RAVER2: variants seen among roughly 807,000 people sequenced by gnomAD.
The protein encoded by RAVER2 is ribonucleoprotein PTB-binding 2.
Under a neutral mutation model 78.1 loss-of-function variants are expected in RAVER2, and 46 were observed. That is an observed-to-expected ratio of 0.59 (90% CI 0.46 to 0.75). The LOEUF (loss-of-function observed/expected upper bound fraction) is 0.75. Among genes scored for constraint, RAVER2 ranks in the 30% least tolerant of loss-of-function variants. RAVER2 has a pLI of 0.00. For missense variants in RAVER2, 793 were observed against 837.5 expected, an observed-to-expected ratio of 0.95 and a Z score of 0.66; for synonymous variants, 311 against 313.3, an observed-to-expected ratio of 0.99 and a Z score of 0.08.
exon 12 of RAVER2, chr1:64,832,390 T>A (rs1654172601): frequency 6.6e-6 from 1 of 152,664 alleles, no homozygotes; most frequent in African/African-American, 2.4e-5. Context: ...CTATGATGAC[T>A]TTTGACATCA....
In RAVER2 at chr1:64,803,075, A is replaced by AT; in HGVS notation, c.1191+16dup. Reference sequence around the variant, plus strand: ...AAAGCACATCAGGTACATAAATAACATTGAGTACTGAAGCATTAAATATTC... The same window carrying AT: ...AAAGCACATCAGGTACATAAATAACATTTGAGTACTGAAGCATTAAATATTC... On this transcript the variant is annotated intron_variant, in intron 6 of 11. Coordinates refer to ENST00000294428, the Ensembl canonical transcript of RAVER2. 1.3e-6 allele frequency: 2 copies of AT among 1,516,900 alleles called. No individual in the cohort carries two copies. Among genetic ancestry groups the AT allele is most frequent in the Non-Finnish European group, 9.1e-7 (1 of 1,095,250 alleles). The allele number at this position is 1,516,900 out of a possible 1,614,324, so 94.0% of individuals were successfully genotyped here. A position where few individuals can be genotyped will look rare whatever the true frequency, so the allele number is the denominator to read the frequency against.
chr1:64,776,630 A>G (rs1652472790), intron 2 of RAVER2, among the ~76,000 whole-genome samples: 1 of 152,158 alleles, frequency 6.6e-6, no homozygotes, highest in Non-Finnish European at 1.5e-5. Flanking sequence ...GAGTAACTTC[A>G]CTATATATTT....
chr1:64,753,645 T>C (rs1651767498), intron 1 of RAVER2, among the ~76,000 whole-genome samples: 1 of 146,178 alleles, frequency 6.8e-6, no homozygotes, highest in Non-Finnish European at 1.5e-5. Context: ...TGCCTCAGCC[T>C]CCCGAGTAGC....
chr1:64,804,552 GC>G (rs1317939233), intron 6 of RAVER2, among the ~76,000 whole-genome samples, 181 bp from the exon 7 acceptor site: 1 of 152,116 alleles, frequency 6.6e-6, no homozygotes, highest in African/African-American at 2.4e-5. Flanking sequence ...TGACTGCATG[GC>G]CCCCTCTTGT....
intron 1 of RAVER2, among the ~76,000 whole-genome samples, chr1:64,757,009 T>C (rs1389159780): frequency 6.6e-6 from 1 of 152,216 alleles, no homozygotes; most frequent in African/African-American, 2.4e-5. Flanking sequence ...CTGGTGATGT[T>C]AACCTTGATC....
intron 5 of RAVER2, among the ~76,000 whole-genome samples, chr1:64,802,133 C>T (rs1653284543): frequency 6.6e-6 from 1 of 152,158 alleles, no homozygotes; most frequent in Non-Finnish European, 1.5e-5. Context: ...GCAATGAGGA[C>T]GGCCAGAGAT....
At chr1:64,830,753 A>G in intron 11 of RAVER2, 86 bp from the exon 12 acceptor site, 2 of 1,272,258 alleles carry the variant, frequency 1.6e-6, no homozygotes, top group Non-Finnish European at 2.2e-6. Context: ...TCACCAAGTC[A>G]AAGTGGAATG....
At chr1:64,827,392 C>T (rs757360475) in intron 11 of RAVER2, among the ~76,000 whole-genome samples, 6 of 152,032 alleles carry the variant, frequency 3.9e-5, no homozygotes, top group Non-Finnish European at 8.8e-5. Flanking sequence ...GAGGGGCCTC[C>T]GTTGAAGTTA....
intron 1 of RAVER2, among the ~76,000 whole-genome samples, chr1:64,752,245 A>C (rs1477358050): frequency 6.6e-6 from 1 of 152,218 alleles, no homozygotes; most frequent in Non-Finnish European, 1.5e-5. Context: ...GTGGGGGATC[A>C]GAGGGTTGAG....
At chr1:64,821,830 G>A (rs1196102907) in intron 11 of RAVER2, among the ~76,000 whole-genome samples, 1 of 151,974 alleles carries the variant, frequency 6.6e-6, no homozygotes, top group Non-Finnish European at 1.5e-5. Flanking sequence ...AGACAACCTA[G>A]GCAATACCAT....
At chr1:64,782,231 G>T (rs766969017) in intron 4 of RAVER2, among the ~76,000 whole-genome samples, 11 of 152,192 alleles carry the variant, frequency 7.2e-5, no homozygotes, top group Non-Finnish European at 1.0e-4. Flanking sequence ...GTTTTCACAA[G>T]TAGAGGAAAA....
chr1:64,747,105 A>G (rs949840477), intron 1 of RAVER2, among the ~76,000 whole-genome samples: 2 of 152,220 alleles, frequency 1.3e-5, no homozygotes, highest in African/African-American at 4.8e-5. Context: ...AAAATATATC[A>G]AAGGGTCTAA....
intron 2 of RAVER2, among the ~76,000 whole-genome samples, chr1:64,777,214 T>C (rs1652489425): frequency 6.6e-6 from 1 of 152,222 alleles, no homozygotes; most frequent in Non-Finnish European, 1.5e-5. Context: ...AAAGATTTTG[T>C]AACTTCATTT....
At position 64,812,362 on chromosome 1, in the gene RAVER2, CAAAAA is replaced by C. The variant is rs61411897; in HGVS notation, c.1681-359_1681-355del. ...GGGCAATAGAGTGAGATTCCATCTCCAAAAAAAAAAAAAAAAAAAAATAGGTAGAT... is the reference window on the plus strand; with the variant it reads ...GGGCAATAGAGTGAGATTCCATCTCCAAAAAAAAAAAAAAAATAGGTAGAT... On this transcript the variant is annotated intron_variant, in intron 9 of 11. Coordinates refer to ENST00000294428, the Ensembl canonical transcript of RAVER2. Among the ~76,000 whole-genome samples, 476 of 70,042 alleles carry C rather than the reference CAAAAA, an allele frequency of 6.8e-3. 12 individuals carry two copies. In the East Asian group the frequency reaches 0.13, roughly 19 times the overall value. 46.0% of individuals were successfully genotyped at this position (70,042 alleles called of 152,430 possible).
At chr1:64,811,527 T>C (rs551764756) in intron 9 of RAVER2, among the ~76,000 whole-genome samples, 1 of 152,350 alleles carries the variant, frequency 6.6e-6, no homozygotes, top group Admixed American at 6.5e-5. Flanking sequence ...GATTGAGGTT[T>C]GTAGCTGCTG....
intron 9 of RAVER2, among the ~76,000 whole-genome samples, chr1:64,808,578 C>T (rs1653512307): frequency 6.6e-6 from 1 of 151,142 alleles, no homozygotes; most frequent in Non-Finnish European, 1.5e-5. Flanking sequence ...TCCCCTGCCT[C>T]AGCCTTCCAA....
At chr1:64,763,851 C>T (rs1011048025) in intron 1 of RAVER2, among the ~76,000 whole-genome samples, 5 of 150,098 alleles carry the variant, frequency 3.3e-5, no homozygotes, top group Admixed American at 6.7e-5. Flanking sequence ...TGCGGTGAGC[C>T]GAGATCACAC....
intron 1 of RAVER2, among the ~76,000 whole-genome samples, chr1:64,748,967 G>A (rs1651619690): frequency 6.6e-6 from 1 of 151,956 alleles, no homozygotes; most frequent in African/African-American, 2.4e-5. Context: ...AAAGTAGCTG[G>A]GACTACAGGC....
At chr1:64,746,530 A>G (rs1348669205) in intron 1 of RAVER2, among the ~76,000 whole-genome samples, 3 of 152,228 alleles carry the variant, frequency 2.0e-5, no homozygotes, top group African/African-American at 2.4e-5. Context: ...CAGTTCTTCC[A>G]TGTGACTTAT....
Sources: gnomAD v4.1 joint callset for allele counts (sites outside exome capture counted in the v4.1 genomes callset) on GRCh38, gnomAD v4.1.1 for gene constraint, MANE v1.5 for transcripts, NCBI Gene and HGNC (gene_info 2026-07-23, HGNC 2026-07-21) for gene names.